Variants in ZEB1 observed in about 807,000 individuals in gnomAD.
ZEB1 encodes zinc finger E-box-binding homeobox 1.
A neutral mutation model predicts 84.9 loss-of-function variants in ZEB1; 21 were observed. The ratio of observed to expected loss-of-function variants is 0.25; its 90% CI spans 0.18 to 0.36. ZEB1 has a LOEUF of 0.36. ZEB1 is among the 10% of genes least tolerant of loss of function. The probability of loss-of-function intolerance (pLI) is 1.00; values close to 1 mark genes in which losing one functional copy is unlikely to be tolerated. For synonymous variants in ZEB1, 420 were observed against 471.1 expected (o/e 0.89, Z 1.41); for missense variants, 1,104 against 1,330.2 (o/e 0.83, Z 2.65).
intron 4 of ZEB1, among the ~76,000 whole-genome samples, chr10:31,509,748 A>G (rs1225369294): frequency 6.6e-6 from 1 of 152,202 alleles, no homozygotes; most frequent in Non-Finnish European, 1.5e-5. Flanking sequence ...TCAAAATGAA[A>G]ATAGAGATGA....
At chr10:31,386,549 A>G (rs1275817855) in intron 1 of ZEB1, among the ~76,000 whole-genome samples, 2 of 152,098 alleles carry the variant, frequency 1.3e-5, no homozygotes, top group Non-Finnish European at 2.9e-5. Flanking sequence ...GGTACTACAG[A>G]TAATCAGTGT....
chr10:31,319,062 TTC>T (rs1277648807), upstream of ZEB1: 1 of 628,918 alleles, frequency 1.6e-6, no homozygotes, highest in Non-Finnish European at 2.9e-6. Flanking sequence ...AGCAACAAGG[TTC>T]CGGCCGTAGA....
chr10:31,325,995 T>C lies in ZEB1; in HGVS notation c.58+6703T>C, dbSNP rs1267137760. 2.0e-5 allele frequency among the ~76,000 whole-genome samples: 3 copies of C among 149,908 alleles called. No homozygotes were observed. The East Asian group carries it at 5.8e-4, about 29-fold the overall frequency. On this transcript the variant is annotated intron_variant, in intron 1 of 8. Coordinates refer to ENST00000424869, the MANE Select transcript of ZEB1 (RefSeq NM_001174096.2). ...TTTTTTTTTTTTTTTAAGTAGATAG[T>C]GCTGAGTGTAACTAGTTTGCTGATG...
intron 1 of ZEB1, among the ~76,000 whole-genome samples, chr10:31,394,448 C>G (rs2050329648): frequency 6.6e-6 from 1 of 152,192 alleles, no homozygotes; most frequent in Admixed American, 6.5e-5. Context: ...CGTGAATTTT[C>G]ACAGACTTAG....
In ZEB1 at chr10:31,521,863, A is replaced by G. The variant is rs1459247481; in HGVS notation, c.2531A>G (p.Tyr844Cys). The G allele has an allele frequency of 9.9e-6, 16 of 1,613,912 alleles. No individual in the cohort carries two copies. The highest frequency in any genetic ancestry group is 1.3e-5 in the African/African-American group (1 of 74,902). Residue 844 changes from tyrosine to cysteine, a missense_variant, in exon 7 of 9, where the codon TAC becomes TGC. Around this residue, in one of 7 missense-constraint regions of ZEB1, gnomAD observed 531 missense variants for 575.2 expected, o/e 0.92. Transcript: ENST00000424869. Reference protein sequence around the residue: ...KQTILIPQVAYTYSTTVSPAV... With the variant: ...KQTILIPQVACTYSTTVSPAV... Reference sequence around the variant, plus strand: ...ACGATTCTGATTCCCCAGGTGGCATACACCTACTCAACTACGGTCAGCCCT... The same window carrying G: ...ACGATTCTGATTCCCCAGGTGGCATGCACCTACTCAACTACGGTCAGCCCT...
intron 1 of ZEB1, among the ~76,000 whole-genome samples, chr10:31,398,076 A>G (rs796349293): frequency 2.2e-4 from 33 of 152,320 alleles, no homozygotes; most frequent in African/African-American, 7.2e-4. Context: ...TCAAAGAACT[A>G]TGTGAATATG....
intron 2 of ZEB1, among the ~76,000 whole-genome samples, chr10:31,490,349 T>C (rs1441102775): frequency 2.0e-5 from 3 of 151,696 alleles, no homozygotes; most frequent in African/African-American, 7.3e-5. Flanking sequence ...TGTCCTGCAT[T>C]ATCCTGAGAC....
At chr10:31,390,085 G>T (rs1032073379) in intron 1 of ZEB1, among the ~76,000 whole-genome samples, 6 of 152,170 alleles carry the variant, frequency 3.9e-5, no homozygotes, top group African/African-American at 1.4e-4. Flanking sequence ...AAAACAGGAT[G>T]TCCAGTGTAA....
At chr10:31,454,678 A>T (rs564901710) in intron 1 of ZEB1, among the ~76,000 whole-genome samples, 5 of 152,346 alleles carry the variant, frequency 3.3e-5, no homozygotes, top group Admixed American at 6.5e-5. Flanking sequence ...TTAAAAGAAT[A>T]AAGTACCTAG....
chr10:31,460,801 A>G (rs550072012), intron 1 of ZEB1, among the ~76,000 whole-genome samples: 2 of 152,276 alleles, frequency 1.3e-5, no homozygotes, highest in East Asian at 3.9e-4. Flanking sequence ...GTTAGTATTT[A>G]TAAAGCAGGT....
intron 1 of ZEB1, chr10:31,321,015 A>T (rs977814943): frequency 4.2e-5 from 18 of 426,948 alleles, no homozygotes; most frequent in Admixed American, 6.3e-5. Context: ...GACTTTTAAG[A>T]GAGGGGCAAT....
chr10:31,321,507 C>T (rs1564450577), intron 1 of ZEB1: 3 of 1,613,880 alleles, frequency 1.9e-6, no homozygotes, highest in African/African-American at 2.7e-5. Flanking sequence ...GCTGTTGCCG[C>T]TGTTGCTGAT....
At position 31,527,393 on chromosome 10, in the gene ZEB1, A is replaced by G. The variant is rs2073692467; in HGVS notation, c.*129A>G. 2.8e-6 allele frequency: 3 copies of G among 1,070,988 alleles called. No homozygotes were observed. The highest frequency in any genetic ancestry group is 2.6e-5 in the East Asian group (1 of 38,214). 66.3% of individuals were successfully genotyped at this position (1,070,988 alleles called of 1,614,324 possible). ...TTCACTACTGTGTAAAGTAAAAACTAAAAAAATACAAAATACAAAACACAC... is the reference window on the plus strand; with the variant it reads ...TTCACTACTGTGTAAAGTAAAAACTGAAAAAATACAAAATACAAAACACAC... On this transcript the variant is annotated 3_prime_UTR_variant, in exon 9 of 9. Coordinates refer to ENST00000424869, the MANE Select transcript of ZEB1 (RefSeq NM_001174096.2).
chr10:31,423,163 T>C (rs2056449138), intron 1 of ZEB1, among the ~76,000 whole-genome samples: 1 of 152,100 alleles, frequency 6.6e-6, no homozygotes, highest in African/African-American at 2.4e-5. Context: ...GTGCTTCATA[T>C]GGATACAATG....
chr10:31,474,931 AATC>A (rs1436639623), intron 2 of ZEB1, among the ~76,000 whole-genome samples: 4 of 152,106 alleles, frequency 2.6e-5, no homozygotes, highest in Admixed American at 6.5e-5. Flanking sequence ...TGAAATTGGA[AATC>A]ATCATTCTCA....
chr10:31,425,548 A>G (rs988916914), intron 1 of ZEB1, among the ~76,000 whole-genome samples: 7 of 152,118 alleles, frequency 4.6e-5, no homozygotes, highest in African/African-American at 1.7e-4. Context: ...TAAACCTGAG[A>G]AATTCTTTAT....
At chr10:31,319,027 G>A (rs538184509), upstream of ZEB1, 142 of 623,018 alleles carry the variant, frequency 2.3e-4, no homozygotes, top group Non-Finnish European at 3.5e-4. Context: ...CAGTGCCCAC[G>A]GTTGCCGCAA....
intron 1 of ZEB1, among the ~76,000 whole-genome samples, chr10:31,410,442 C>T (rs772911169): frequency 6.6e-6 from 1 of 152,162 alleles, no homozygotes; most frequent in Non-Finnish European, 1.5e-5. Flanking sequence ...CAATGTTCAT[C>T]AGGGATATTG....
At chr10:31,350,858 C>G (rs545226160) in intron 1 of ZEB1, among the ~76,000 whole-genome samples, 2 of 152,214 alleles carry the variant, frequency 1.3e-5, no homozygotes, top group East Asian at 3.9e-4. Flanking sequence ...AAAATTACAG[C>G]TTGGCTGAAT....
Sources: allele counts gnomAD v4.1 joint callset (sites outside exome capture counted in the v4.1 genomes callset), GRCh38; gene constraint gnomAD v4.1.1; regional missense constraint gnomAD v4.1.1; transcripts MANE v1.5; gene names NCBI Gene and HGNC (gene_info 2026-07-23, HGNC 2026-07-21).